CRIM1: variants seen among roughly 807,000 people sequenced by gnomAD.
The protein encoded by CRIM1 is cysteine rich transmembrane BMP regulator 1, also known as cysteine-rich motor neuron 1 protein.
In CRIM1, 32 loss-of-function variants were observed where a neutral mutation model predicts 116.4. The ratio of observed to expected loss-of-function variants is 0.27; its 90% confidence interval spans 0.21 to 0.37. The LOEUF (loss-of-function observed/expected upper bound fraction) is 0.37. CRIM1 is among the 10% of genes least tolerant of loss of function. The probability of loss-of-function intolerance (pLI) is 1.00; values close to 1 mark genes in which losing one functional copy is unlikely to be tolerated. For synonymous variants in CRIM1, 590 were observed against 509.2 expected (o/e 1.16, Z -2.13); for missense variants, 1,331 against 1,354.8 (o/e 0.98, Z 0.28).
chr2:36,485,606 G>A (rs543214887), intron 7 of CRIM1, among the ~76,000 whole-genome samples: 4 of 152,266 alleles, frequency 2.6e-5, no homozygotes, highest in East Asian at 3.9e-4. Context: ...TTCCAGCCCT[G>A]CCCATAATGC....
At chr2:36,433,625 C>T (rs1228324100) in intron 2 of CRIM1, among the ~76,000 whole-genome samples, 4 of 152,120 alleles carry the variant, frequency 2.6e-5, no homozygotes, top group Non-Finnish European at 5.9e-5. Flanking sequence ...TGCCCAGGCT[C>T]CTCCCCCAGA....
chr2:36,497,856 A>C (rs781350373), intron 7 of CRIM1, among the ~76,000 whole-genome samples: 15 of 152,178 alleles, frequency 9.9e-5, no homozygotes, highest in Non-Finnish European at 1.6e-4. Flanking sequence ...GTGGCAGCTA[A>C]AACACTTATT....
intron 2 of CRIM1, among the ~76,000 whole-genome samples, chr2:36,418,834 G>A (rs1354539674): frequency 6.6e-6 from 1 of 152,138 alleles, no homozygotes; most frequent in Non-Finnish European, 1.5e-5. Context: ...TGTGACCTTG[G>A]ACAAGTCATT....
intron 2 of CRIM1, among the ~76,000 whole-genome samples, chr2:36,426,525 A>G (rs1674462750): frequency 6.6e-6 from 1 of 152,148 alleles, no homozygotes; most frequent in Non-Finnish European, 1.5e-5. Flanking sequence ...TTGAATAGGG[A>G]AGATAGTGAA....
intron 1 of CRIM1, among the ~76,000 whole-genome samples, chr2:36,364,282 A>G (rs1045171907): frequency 1.6e-4 from 24 of 152,238 alleles, no homozygotes; most frequent in African/African-American, 5.3e-4. Context: ...GCTAGTACCT[A>G]TGTATACAGC....
chr2:36,394,642 A>G (rs925376252), intron 1 of CRIM1, among the ~76,000 whole-genome samples: 1 of 151,720 alleles, frequency 6.6e-6, no homozygotes, highest in South Asian at 2.1e-4. Flanking sequence ...TATATCTTAT[A>G]TATGTATGTT....
chr2:36,542,490 C>G (rs1020361976), intron 14 of CRIM1, among the ~76,000 whole-genome samples: 1 of 152,194 alleles, frequency 6.6e-6, no homozygotes, highest in African/African-American at 2.4e-5. Flanking sequence ...AAAGTTACGT[C>G]TCTCCCTCTC....
At chr2:36,430,311 A>C (rs998773255) in intron 2 of CRIM1, among the ~76,000 whole-genome samples, 2 of 152,200 alleles carry the variant, frequency 1.3e-5, no homozygotes, top group Admixed American at 6.5e-5. Flanking sequence ...TATGATTTCC[A>C]TGTAAGGGCT....
At chr2:36,376,998 A>G (rs1670370676) in intron 1 of CRIM1, among the ~76,000 whole-genome samples, 1 of 152,106 alleles carries the variant, frequency 6.6e-6, no homozygotes, top group African/African-American at 2.4e-5. Flanking sequence ...TTGTCTCTTC[A>G]TGGGTTGGTC....
intron 1 of CRIM1, among the ~76,000 whole-genome samples, chr2:36,380,712 T>G (rs1235577109): frequency 5.9e-5 from 9 of 152,200 alleles, no homozygotes; most frequent in Non-Finnish European, 1.5e-5. Context: ...AAGTGGTATT[T>G]CTGTTCGTTA....
At chr2:36,448,140 G>A (rs1676393915) in intron 4 of CRIM1, among the ~76,000 whole-genome samples, 1 of 152,202 alleles carries the variant, frequency 6.6e-6, no homozygotes, top group Non-Finnish European at 1.5e-5. Context: ...CATACAAAAG[G>A]GAATGCTACT....
chr2:36,539,016 C>T (rs918944832), intron 14 of CRIM1, among the ~76,000 whole-genome samples: 1 of 152,152 alleles, frequency 6.6e-6, no homozygotes, highest in African/African-American at 2.4e-5. Flanking sequence ...AGCAGTGAAC[C>T]AAATAGCAGT....
At chr2:36,545,438 G>T (rs570086925) in intron 15 of CRIM1, among the ~76,000 whole-genome samples, 1 of 152,116 alleles carries the variant, frequency 6.6e-6, no homozygotes, top group Non-Finnish European at 1.5e-5. Context: ...TCAACATACT[G>T]TAAGTACGAC....
intron 5 of CRIM1, among the ~76,000 whole-genome samples, chr2:36,474,010 C>G (rs2125032798): frequency 6.6e-6 from 1 of 152,184 alleles, no homozygotes. Flanking sequence ...CTCATCAGTG[C>G]TCGTTACTAT....
chr2:36,414,042 A>C (rs1447249001), intron 2 of CRIM1, among the ~76,000 whole-genome samples: 1 of 152,196 alleles, frequency 6.6e-6, no homozygotes, highest in Non-Finnish European at 1.5e-5. Flanking sequence ...TCTGTGTATG[A>C]GCTTCTCCTG....
intron 1 of CRIM1, among the ~76,000 whole-genome samples, chr2:36,389,349 G>A (rs1436480847): frequency 1.3e-5 from 2 of 152,090 alleles, no homozygotes; most frequent in African/African-American, 4.8e-5. Context: ...GGGGAGTTAA[G>A]AGCAGCGATT....
chr2:36,417,541 G>A (rs901403841), intron 2 of CRIM1, among the ~76,000 whole-genome samples: 3 of 152,052 alleles, frequency 2.0e-5, no homozygotes, highest in African/African-American at 7.2e-5. Flanking sequence ...CATTTCAGGG[G>A]TCTGTTATCT....
At chr2:36,529,195 G>C (rs1665954789) in intron 13 of CRIM1, 1 of 471,082 alleles carries the variant, frequency 2.1e-6, no homozygotes, top group Admixed American at 2.3e-5. Flanking sequence ...TCAAGGATAT[G>C]GGGGAAGACC....
At position 36,513,356 on chromosome 2, in the gene CRIM1, C is replaced by T. The variant is rs548038212; in HGVS notation, c.1781-200C>T. 46 of 554,862 alleles carry T rather than the reference C, an allele frequency of 8.3e-5. No individual in the cohort carries two copies. In the South Asian group the frequency reaches 9.0e-4, roughly 11 times the overall value. 34.4% of individuals were successfully genotyped at this position (554,862 alleles called of 1,614,324 possible). A position where few individuals can be genotyped will look rare whatever the true frequency, so the allele number is the denominator to read the frequency against. On this transcript the variant is annotated intron_variant, in intron 10 of 16. Transcript: ENST00000280527. Reference sequence around the variant, plus strand: ...CACGAATTGGAGAGAAACTATTTGCCGGTTTTTTTCTCTCTTTTCTTTTTT... The same window carrying T: ...CACGAATTGGAGAGAAACTATTTGCTGGTTTTTTTCTCTCTTTTCTTTTTT...
Sources: allele counts gnomAD v4.1 joint callset (sites outside exome capture counted in the v4.1 genomes callset), GRCh38; gene constraint gnomAD v4.1.1; transcripts MANE v1.5; gene names NCBI Gene and HGNC (gene_info 2026-07-23, HGNC 2026-07-21).